PRPF8: variants seen among roughly 807,000 people sequenced by gnomAD.
The protein encoded by PRPF8 is pre-mRNA-processing-splicing factor 8.
PRPF8 carries 64 observed loss-of-function variants against 285.9 expected under a neutral mutation model. That is an observed-to-expected ratio of 0.22 (90% CI 0.18 to 0.28). The LOEUF (loss-of-function observed/expected upper bound fraction) is 0.28. Among genes scored for constraint, PRPF8 ranks in the 10% least tolerant of loss-of-function variants. The probability of loss-of-function intolerance (pLI) is 1.00; values close to 1 mark genes in which losing one functional copy is unlikely to be tolerated. For missense variants in PRPF8, 1,426 were observed against 3,026.7 expected, an observed-to-expected ratio of 0.47 and a Z score of 12.41; for synonymous variants, 1,325 against 1,118.2, an observed-to-expected ratio of 1.18 and a Z score of -3.69.
In PRPF8 at chr17:1,651,375, C is replaced by T; in HGVS notation, c.6650+39G>A. The T allele has an allele frequency of 1.2e-6, 2 of 1,614,100 alleles. No homozygotes were observed. The highest frequency in any genetic ancestry group is 1.7e-6 in the Non-Finnish European group (2 of 1,180,016). ...TGTTCTGGGCCCTGGCCTGCAATCC[C>T]TGCCCCACCATACTTCCTCCCAAGG... On this transcript the variant is annotated intron_variant, in intron 41 of 42. Transcript: ENST00000304992. The surrounding 1 kb of genome is among the most constrained non-coding windows in gnomAD (Gnocchi z 5.1).
rs181074002 is a variant in PRPF8, at chr17:1,671,667, C to A, written c.3774+1414G>T. On this transcript the variant is annotated intron_variant, in intron 24 of 42. Transcript: ENST00000304992. ...GAGTTCGAGACCATCCTGGCTAACA[C>A]GGTGAAACCCCTTCTCTACCAAAAA... Among the ~76,000 whole-genome samples, 443 of 151,768 alleles carry A rather than the reference C, an allele frequency of 2.9e-3. 3 individuals carry two copies. The highest frequency in any genetic ancestry group is 6.8e-3 in the Middle Eastern group (2 of 294).
At chr17:1,656,620 T>C (rs1375311994) in intron 35 of PRPF8, 28 bp downstream of exon 35, 7 of 1,613,952 alleles carry the variant, frequency 4.3e-6, no homozygotes, top group Non-Finnish European at 5.9e-6. Context: ...CAAGGTCTCT[T>C]TTCTCCTACC....
At chr17:1,674,867 G>T (rs1214202261) in intron 20 of PRPF8, among the ~76,000 whole-genome samples, 187 bp from the exon 21 acceptor site, 1 of 152,080 alleles carries the variant, frequency 6.6e-6, no homozygotes, top group Non-Finnish European at 1.5e-5. Flanking sequence ...CACTTCCCGG[G>T]TTCAAGTGAT....
At chr17:1,655,265 G>A in intron 37 of PRPF8, 85 bp downstream of exon 37, 1 of 1,519,578 alleles carries the variant, frequency 6.6e-7, no homozygotes, top group Non-Finnish European at 9.0e-7. Context: ...GCCTTCTTGA[G>A]AAACTTCTAA....
At position 1,679,502 on chromosome 17, in the gene PRPF8, GGA is replaced by G; in HGVS notation, c.1290-94_1290-93del. 1.3e-6 allele frequency: 2 copies of G among 1,566,552 alleles called. No homozygotes were observed. The highest frequency in any genetic ancestry group is 1.9e-5 in the Admixed American group (1 of 52,610). On this transcript the variant is annotated intron_variant, in intron 9 of 42. Transcript: ENST00000304992. The surrounding 1 kb of genome is among the most constrained non-coding windows in gnomAD (Gnocchi z 4.7). ...CCTTGGGTTGTCTACCATTTTTATG[GGA>G]AAAAAAAAAAAAGAATTTAAAAAAA...
At position 1,676,418 on chromosome 17, in the gene PRPF8, C is replaced by T. The variant is rs1007987611; in HGVS notation, c.2389-48G>A. 2.5e-6 allele frequency: 4 copies of T among 1,614,078 alleles called. No individual in the cohort carries two copies. The highest frequency in any genetic ancestry group is 3.4e-6 in the Non-Finnish European group (4 of 1,180,028). ...GCCTCCCGCTACAGCCCGATCCTGCCAGAACAAGGTTCAGTCACAACTCTA... is the reference window on the plus strand; with the variant it reads ...GCCTCCCGCTACAGCCCGATCCTGCTAGAACAAGGTTCAGTCACAACTCTA... On this transcript the variant is annotated intron_variant, in intron 16 of 42. Transcript: ENST00000304992. This position sits in a 1 kb window ranked among gnomAD's most constrained non-coding sequence, Gnocchi z 6.3.
intron 24 of PRPF8, among the ~76,000 whole-genome samples, chr17:1,669,430 T>G (rs1049491854): frequency 6.6e-6 from 1 of 152,130 alleles, no homozygotes; most frequent in Admixed American, 6.5e-5. Flanking sequence ...TCTTGTACAC[T>G]CAACTGCTAC....
chr17:1,655,823 T>A (rs748111820), intron 36 of PRPF8, among the ~76,000 whole-genome samples: 1 of 151,296 alleles, frequency 6.6e-6, no homozygotes, highest in Non-Finnish European at 1.5e-5. Flanking sequence ...AGATGGGGTT[T>A]CACTGTGTTA....
chr17:1,651,667 G>C lies in PRPF8; in HGVS notation c.6491C>G (p.Pro2164Arg). The part of the protein sequence containing the change: ...HQTVHLPGQL[P>R]QHEYLKEMEP... ...CATTACCTTGAGGTACTCATGCTGG[G>C]GCAGCTGGCCAGGCAGGTGCACGGT... The change falls in exon 40 of 43, where the codon CCC (proline) becomes CGC (arginine). Residue 2164 changes from proline to arginine, a missense_variant. Physicochemically the swap from Pro to Arg is moderately radical, Grantham distance 103. Coordinates refer to ENST00000304992, the MANE Select transcript of PRPF8 (RefSeq NM_006445.4). This position sits in a 1 kb window ranked among gnomAD's most constrained non-coding sequence, Gnocchi z 5.1. 1 of 1,614,130 alleles carries C rather than the reference G, an allele frequency of 6.2e-7. No individual in the cohort carries two copies. The highest frequency in any genetic ancestry group is 8.5e-7 in the Non-Finnish European group (1 of 1,180,026).
chr17:1,651,972 C>T lies in PRPF8; in HGVS notation c.6370-184G>A, dbSNP rs1176526188. On this transcript the variant is annotated intron_variant, in intron 39 of 42. Coordinates refer to ENST00000304992, the MANE Select transcript of PRPF8 (RefSeq NM_006445.4). This position sits in a 1 kb window ranked among gnomAD's most constrained non-coding sequence, Gnocchi z 5.1. The stretch of plus-strand genomic sequence containing the variant: ...AAAATGTTAGACATGGACCTCATCG[C>T]GGACTTACCACATCAGAATCTCCTG... 3.4e-5 allele frequency: 25 copies of T among 742,228 alleles called. No individual in the cohort carries two copies. The highest frequency in any genetic ancestry group is 1.5e-4 in the Admixed American group (7 of 47,678). 46.0% of individuals were successfully genotyped at this position (742,228 alleles called of 1,614,324 possible).
intron 21 of PRPF8, 21 bp downstream of exon 21, chr17:1,674,421 G>A (rs1172191294): frequency 1.2e-6 from 2 of 1,609,620 alleles, no homozygotes; most frequent in Admixed American, 3.3e-5. Flanking sequence ...TGCAAGGCTA[G>A]GAATCCAGGA....
At position 1,662,142 on chromosome 17, in the gene PRPF8, C is replaced by T. The variant is rs774370058; in HGVS notation, c.3786G>A (p.Lys1262=). 4 of 1,614,164 alleles carry T rather than the reference C, an allele frequency of 2.5e-6. No individual in the cohort carries two copies. The highest frequency in any genetic ancestry group is 2.2e-5 in the East Asian group (1 of 44,884). The stretch of plus-strand genomic sequence containing the variant: ...TAAGGCCAATGAGAGCTGTATTCCA[C>T]TTATTCACAATCTAAAGGTAGTAGA... ...GSTTFTKIVN[K]WNTALIGLMT... is the part of the protein sequence containing the mutation. The change falls in exon 25 of 43, where the codon AAG becomes AAA. Residue 1262 remains lysine (K), a synonymous_variant. Transcript: ENST00000304992.
In PRPF8 at chr17:1,679,473, C is replaced by CAA; in HGVS notation, c.1290-65_1290-64dup. 6 of 1,608,492 alleles carry CAA rather than the reference C, an allele frequency of 3.7e-6. No homozygotes were observed. The South Asian group carries it at 6.6e-5, about 18-fold the overall frequency. On this transcript the variant is annotated intron_variant, in intron 9 of 42. Transcript: ENST00000304992. The surrounding 1 kb of genome is among the most constrained non-coding windows in gnomAD (Gnocchi z 4.7). Reference sequence around the variant, plus strand: ...CTTCCAGACACTCTGCTAAAGGCTGCAAGCCTTGGGTTGTCTACCATTTTT... The same window carrying CAA: ...CTTCCAGACACTCTGCTAAAGGCTGCAAAAGCCTTGGGTTGTCTACCATTTTT...
At chr17:1,674,218 T>A (rs993036895) in intron 21 of PRPF8, among the ~76,000 whole-genome samples, 7 of 152,190 alleles carry the variant, frequency 4.6e-5, no homozygotes, top group African/African-American at 1.7e-4. Flanking sequence ...GAGACGGGGT[T>A]TCACTGTGTT....
At chr17:1,665,055 G>A (rs1488231254) in intron 24 of PRPF8, among the ~76,000 whole-genome samples, 1 of 150,776 alleles carries the variant, frequency 6.6e-6, no homozygotes, top group African/African-American at 2.4e-5. Context: ...AGCTACTTGG[G>A]AGGCTGAGGC....
In PRPF8 at chr17:1,675,068, C is replaced by G; in HGVS notation, c.3060+84G>C. ...GATTACAGGCATGAGCCACCGCACC[C>G]AGCCTCCTCCTCAGCAAATTCTGAG... is the stretch of plus-strand genomic sequence containing the variant. On this transcript the variant is annotated intron_variant, in intron 20 of 42. Transcript: ENST00000304992. This position sits in a 1 kb window ranked among gnomAD's most constrained non-coding sequence, Gnocchi z 6.0. 6.5e-7 allele frequency: 1 copy of G among 1,544,046 alleles called. No homozygotes were observed. The highest frequency in any genetic ancestry group is 1.7e-5 in the Admixed American group (1 of 59,222).
chr17:1,675,211 C>T lies in PRPF8; in HGVS notation c.3001G>A (p.Val1001Met). ...ATGTAGTCGGCTATGTTGTGGTCCACGATGAGGCGCAGCAGCCTGTTGAGC... is the reference window on the plus strand; with the variant it reads ...ATGTAGTCGGCTATGTTGTGGTCCATGATGAGGCGCAGCAGCCTGTTGAGC... ...TLLNRLLRLI[V>M]DHNIADYMTA... is the part of the protein sequence containing the mutation. Residue 1001 changes from valine (V) to methionine (M), a missense_variant, in exon 20 of 43, where the codon GTG becomes ATG. By Grantham distance (21) the Val-to-Met change is conservative. Coordinates refer to ENST00000304992, the MANE Select transcript of PRPF8 (RefSeq NM_006445.4). This position sits in a 1 kb window ranked among gnomAD's most constrained non-coding sequence, Gnocchi z 6.0. 6.2e-7 allele frequency: 1 copy of T among 1,614,134 alleles called. No individual in the cohort carries two copies. Among genetic ancestry groups the T allele is most frequent in the African/African-American group, 1.3e-5 (1 of 75,036 alleles).
chr17:1,681,131 T>A, intron 6 of PRPF8, 77 bp from the exon 7 acceptor site: 1 of 1,464,776 alleles, frequency 6.8e-7, no homozygotes, highest in Non-Finnish European at 9.5e-7. Context: ...CAAGCTGGAA[T>A]GCAATGGCAT....
At position 1,658,834 on chromosome 17, in the gene PRPF8, C is replaced by T. The variant is rs1567678413; in HGVS notation, c.5139-71G>A. On this transcript the variant is annotated intron_variant, in intron 32 of 42. Coordinates refer to ENST00000304992, the MANE Select transcript of PRPF8 (RefSeq NM_006445.4). The surrounding 1 kb of genome is among the most constrained non-coding windows in gnomAD (Gnocchi z 4.1). The stretch of plus-strand genomic sequence containing the variant: ...CCCCAGAAACAAGACAAGCTGCCAA[C>T]TCTACAGAGGAAGAAAGACTGTTCG... 2 of 1,328,468 alleles carry T rather than the reference C, an allele frequency of 1.5e-6. No individual in the cohort carries two copies. Among genetic ancestry groups the T allele is most frequent in the South Asian group, 1.2e-5 (1 of 84,844 alleles). 82.3% of individuals were successfully genotyped at this position (1,328,468 alleles called of 1,614,324 possible). A position where few individuals can be genotyped will look rare whatever the true frequency, so the allele number is the denominator to read the frequency against.
Sources: gnomAD v4.1 joint callset for allele counts (sites outside exome capture counted in the v4.1 genomes callset) on GRCh38, gnomAD v4.1.1 for gene constraint, Gnocchi (gnomAD v3.1) non-coding constraint, MANE v1.5 for transcripts, NCBI Gene and HGNC (gene_info 2026-07-23, HGNC 2026-07-21) for gene names.